Variants in PAK5 observed in about 807,000 individuals in gnomAD.
The protein encoded by PAK5 is p21 (RAC1) activated kinase 5.
In PAK5, 16 loss-of-function variants were observed where a neutral mutation model predicts 65.9. That is an observed-to-expected ratio of 0.24 (90% confidence interval 0.16 to 0.37). The LOEUF is 0.37. PAK5 is among the 10% of genes least tolerant of loss of function. The probability of loss-of-function intolerance (pLI) is 1.00; values close to 1 mark genes in which losing one functional copy is unlikely to be tolerated. For synonymous variants in PAK5, 371 were observed against 354.9 expected, an observed-to-expected ratio of 1.05 and a Z score of -0.51; for missense variants, 785 against 903.9, an observed-to-expected ratio of 0.87 and a Z score of 1.69.
intron 9 of PAK5, among the ~76,000 whole-genome samples, chr20:9,541,861 A>T (rs918081491): frequency 4.6e-5 from 7 of 152,168 alleles, no homozygotes; most frequent in African/African-American, 1.7e-4. Flanking sequence ...TGATAGTTTT[A>T]TAAGTGTCTG....
chr20:9,706,309 C>T (rs2048006074), intron 2 of PAK5, among the ~76,000 whole-genome samples: 1 of 152,118 alleles, frequency 6.6e-6, no homozygotes, highest in Admixed American at 6.5e-5. Flanking sequence ...TTCTATCCTG[C>T]AATCTGCATC....
At chr20:9,590,469 T>C (rs1225561147) in intron 3 of PAK5, among the ~76,000 whole-genome samples, 1 of 151,862 alleles carries the variant, frequency 6.6e-6, no homozygotes, top group Non-Finnish European at 1.5e-5. Flanking sequence ...AATGGTAGGG[T>C]TGAGTTGCAA....
At chr20:9,605,296 A>G (rs1423641743) in intron 3 of PAK5, among the ~76,000 whole-genome samples, 2 of 152,220 alleles carry the variant, frequency 1.3e-5, no homozygotes, top group Non-Finnish European at 2.9e-5. Flanking sequence ...GACACAGAGC[A>G]GAGAGAAACT....
intron 1 of PAK5, among the ~76,000 whole-genome samples, chr20:9,798,981 A>G (rs1180290283): frequency 6.6e-6 from 1 of 152,170 alleles, no homozygotes; most frequent in Non-Finnish European, 1.5e-5. Flanking sequence ...AGAATCATAA[A>G]TCTAGGGAGA....
At chr20:9,680,930 C>A (rs1221121622) in intron 2 of PAK5, among the ~76,000 whole-genome samples, 3 of 152,198 alleles carry the variant, frequency 2.0e-5, no homozygotes, top group Non-Finnish European at 4.4e-5. Flanking sequence ...TTATGTATGG[C>A]AATTAGTTTA....
chr20:9,631,702 G>T (rs1036650636), intron 3 of PAK5, among the ~76,000 whole-genome samples: 4 of 152,192 alleles, frequency 2.6e-5, no homozygotes, highest in African/African-American at 9.6e-5. Context: ...AGTGGTAATT[G>T]TCATGCAGTA....
chr20:9,613,433 T>C (rs932354898), intron 3 of PAK5, among the ~76,000 whole-genome samples: 3 of 152,138 alleles, frequency 2.0e-5, no homozygotes, highest in Non-Finnish European at 2.9e-5. Context: ...GGGAGCTCAG[T>C]GTGCACAGGT....
At chr20:9,784,781 C>G (rs754969280) in intron 1 of PAK5, among the ~76,000 whole-genome samples, 3 of 146,814 alleles carry the variant, frequency 2.0e-5, no homozygotes, top group Non-Finnish European at 3.0e-5. Flanking sequence ...GGATCACATG[C>G]AAAAAACAAG....
At chr20:9,833,053 A>T (rs1034162518) in intron 1 of PAK5, among the ~76,000 whole-genome samples, 5 of 152,242 alleles carry the variant, frequency 3.3e-5, no homozygotes, top group Non-Finnish European at 5.9e-5. Context: ...TTTAAAAAGT[A>T]CTTCCCCTAA....
At chr20:9,705,971 C>T (rs1226179223) in intron 2 of PAK5, among the ~76,000 whole-genome samples, 1 of 152,094 alleles carries the variant, frequency 6.6e-6, no homozygotes, top group African/African-American at 2.4e-5. Flanking sequence ...TCCACACTTG[C>T]AACACAGACC....
intron 1 of PAK5, among the ~76,000 whole-genome samples, chr20:9,762,383 C>T (rs958219463): frequency 1.3e-5 from 2 of 151,912 alleles, no homozygotes; most frequent in African/African-American, 4.8e-5. Context: ...TGTTAATATC[C>T]AAAATCTATA....
chr20:9,586,314 C>A (rs1056215720), intron 3 of PAK5, among the ~76,000 whole-genome samples: 1 of 152,088 alleles, frequency 6.6e-6, no homozygotes, highest in Non-Finnish European at 1.5e-5. Context: ...TTGAACACCT[C>A]CTTTGGAAGT....
chr20:9,791,674 A>C (rs150220098), intron 1 of PAK5, among the ~76,000 whole-genome samples: 1 of 152,214 alleles, frequency 6.6e-6, no homozygotes, highest in African/African-American at 2.4e-5. Context: ...TATAGCTCAA[A>C]CCAAACTGCT....
intron 3 of PAK5, among the ~76,000 whole-genome samples, chr20:9,582,850 C>G (rs1017432623): frequency 6.6e-6 from 1 of 152,152 alleles, no homozygotes; most frequent in Admixed American, 6.5e-5. Context: ...AGCCAACACT[C>G]TGTTATTTGC....
chr20:9,646,692 T>C (rs1372557980), intron 2 of PAK5, among the ~76,000 whole-genome samples: 3 of 152,222 alleles, frequency 2.0e-5, no homozygotes, highest in Non-Finnish European at 4.4e-5. Context: ...TAATTTGCTA[T>C]GGCCAGTGAG....
At chr20:9,705,134 G>A (rs1297447559) in intron 2 of PAK5, among the ~76,000 whole-genome samples, 1 of 152,156 alleles carries the variant, frequency 6.6e-6, no homozygotes, top group East Asian at 1.9e-4. Flanking sequence ...GTATCCCATG[G>A]GAATTATGCA....
chr20:9,599,798 C>A (rs563123888), intron 3 of PAK5, among the ~76,000 whole-genome samples: 1 of 152,230 alleles, frequency 6.6e-6, no homozygotes, highest in Admixed American at 6.5e-5. Context: ...TTCTCATATT[C>A]TACGGATTTT....
intron 3 of PAK5, among the ~76,000 whole-genome samples, chr20:9,635,019 G>A (rs993859916): frequency 5.9e-5 from 9 of 152,202 alleles, no homozygotes; most frequent in Admixed American, 5.9e-4. Context: ...CAGTTCTTCT[G>A]AAGTGGCATT....
At chr20:9,632,304 G>A (rs1252402711) in intron 3 of PAK5, among the ~76,000 whole-genome samples, 1 of 152,136 alleles carries the variant, frequency 6.6e-6, no homozygotes, top group Non-Finnish European at 1.5e-5. Context: ...CTTGTGATCT[G>A]GGGGGTATGC....
Sources: gnomAD v4.1 joint callset for allele counts (sites outside exome capture counted in the v4.1 genomes callset) on GRCh38, gnomAD v4.1.1 for gene constraint, MANE v1.5 for transcripts, NCBI Gene and HGNC (gene_info 2026-07-23, HGNC 2026-07-21) for gene names.